CUL9: variants seen among roughly 807,000 people sequenced by gnomAD.
The protein encoded by CUL9 is cullin 9, also known as cullin-9.
In CUL9, 79 loss-of-function variants were observed where a neutral mutation model predicts 272.6. The ratio of observed to expected loss-of-function variants is 0.29; its 90% confidence interval spans 0.24 to 0.35. The LOEUF is 0.35. CUL9 is among the 10% of genes least tolerant of loss of function. The probability of loss-of-function intolerance (pLI) is 1.00; values close to 1 mark genes in which losing one functional copy is unlikely to be tolerated. For synonymous variants in CUL9, 1,186 were observed against 1,286.5 expected, an observed-to-expected ratio of 0.92 and a Z score of 1.67; for missense variants, 2,532 against 3,255.6, an observed-to-expected ratio of 0.78 and a Z score of 5.41.
At chr6:43,204,702 C>T (rs201384537) in intron 21 of CUL9, 46 bp from the exon 22 acceptor site, 88 of 1,605,854 alleles carry the variant, frequency 5.5e-5, no homozygotes, top group Admixed American at 1.8e-4. Context: ...GTGTACTCAC[C>T]CAGAGGCTGA....
intron 8 of CUL9, among the ~76,000 whole-genome samples, chr6:43,191,145 T>C (rs1773429026): frequency 6.6e-6 from 1 of 152,120 alleles, no homozygotes; most frequent in Admixed American, 6.6e-5. Flanking sequence ...TTTTGTTTTT[T>C]TTAAATTTAT....
chr6:43,203,269 G>T lies in CUL9; in HGVS notation c.3849+65G>T. 6.2e-7 allele frequency: 1 copy of T among 1,601,924 alleles called. No homozygotes were observed. ...TGGCACACAAGTTTCTCCTTGATCT[G>T]CTTGGGAGATGGCCCAGGACCTGTT... On this transcript the variant is annotated intron_variant, in intron 18 of 40. Coordinates refer to ENST00000252050, the MANE Select transcript of CUL9 (RefSeq NM_015089.4). The surrounding 1 kb of genome is among the most constrained non-coding windows in gnomAD (Gnocchi z 5.0).
chr6:43,209,799 C>T (rs1047284644), intron 26 of CUL9, among the ~76,000 whole-genome samples: 6 of 151,860 alleles, frequency 4.0e-5, no homozygotes, highest in African/African-American at 1.5e-4. Flanking sequence ...GCGTGTGCCA[C>T]CACACCTGGC....
At chr6:43,212,705 A>G (rs1043497492) in intron 26 of CUL9, 1 of 153,068 alleles carries the variant, frequency 6.5e-6, no homozygotes, top group Admixed American at 6.6e-5. Context: ...GTAAGACAGC[A>G]TCTCTCAGGC....
At position 43,221,107 on chromosome 6, in the gene CUL9, C is replaced by T. The variant is rs750297161; in HGVS notation, c.6589-51C>T. The T allele has an allele frequency of 1.0e-5, 16 of 1,592,470 alleles. No individual in the cohort carries two copies. The African/African-American group carries it at 2.1e-4, about 21-fold the overall frequency. Reference sequence around the variant, plus strand: ...TCCCCTCTCTCCTGTGCACACCAGCCATGCTGCCCTCACGGCTCAGCTGTG... The same window carrying T: ...TCCCCTCTCTCCTGTGCACACCAGCTATGCTGCCCTCACGGCTCAGCTGTG... On this transcript the variant is annotated intron_variant, in intron 33 of 40. Transcript: ENST00000252050. The surrounding 1 kb of genome is among the most constrained non-coding windows in gnomAD (Gnocchi z 4.2).
intron 16 of CUL9, 29 bp from the exon 17 acceptor site, chr6:43,202,687 C>G (rs1433763246): frequency 6.2e-7 from 1 of 1,602,194 alleles, no homozygotes; most frequent in Non-Finnish European, 8.6e-7. Flanking sequence ...AGAGGCCCAG[C>G]TTTGACTGTT....
rs747988138 is a variant in CUL9 at position 43,188,583 on chromosome 6, C to G, written c.2048C>G (p.Ala683Gly). The stretch of plus-strand genomic sequence containing the variant: ...AGCTCCCTGGATCAGCATGTGGCAG[C>G]GGTCGTGGCCACTGTGCAGATATCC... Reference protein sequence around the residue: ...PRSSLDQHVAAVVATVQISSL... With the variant: ...PRSSLDQHVAGVVATVQISSL... The change falls in exon 8 of 41, where the codon GCG becomes GGG. Residue 683 changes from alanine to glycine, a missense_variant. Around this residue, in one of 3 missense-constraint regions of CUL9, gnomAD observed 2,218 missense variants for 2,788.6 expected, o/e 0.80. Transcript: ENST00000252050. 3 of 1,613,996 alleles carry G rather than the reference C, an allele frequency of 1.9e-6. No homozygotes were observed. In the East Asian group the frequency reaches 6.7e-5, roughly 36 times the overall value.
rs762282498 is a variant in CUL9 at position 43,184,320 on chromosome 6, G to A, written c.10G>A (p.Glu4Lys). The change falls in exon 2 of 41, where the codon GAA (glutamate) becomes AAA (lysine). Residue 4 changes from glutamate to lysine, a missense_variant. By Grantham distance (56) the Glu-to-Lys change is moderately conservative. Transcript: ENST00000252050. The surrounding 1 kb of genome is among the most constrained non-coding windows in gnomAD (Gnocchi z 4.8). ...ATCCCAGGAGGTCAGGATGGTGGGGGAACGGCATGCTGGGGACCTCATGGT... is the reference window on the plus strand; with the variant it reads ...ATCCCAGGAGGTCAGGATGGTGGGGAAACGGCATGCTGGGGACCTCATGGT... MVG[E>K]RHAGDLMVPL... The A allele has an allele frequency of 6.6e-7, 1 of 1,518,190 alleles. No individual in the cohort carries two copies. The highest frequency in any genetic ancestry group is 8.9e-7 in the Non-Finnish European group (1 of 1,128,632). The allele number at this position is 1,518,190 out of a possible 1,614,324, so 94.0% of individuals were successfully genotyped here.
chr6:43,206,196 G>A lies in CUL9; in HGVS notation c.4983G>A (p.Glu1661=), dbSNP rs746938088. The A allele has an allele frequency of 5.0e-6, 8 of 1,612,574 alleles. No homozygotes were observed. The Admixed American group carries it at 1.3e-4, about 27-fold the overall frequency. ...QLQRLDKLFL[E]QEDEEEKRLE... ...AGCGGCTCGACAAGTTGTTCTTGGA[G>A]CAGGAAGATGAGGAGGAAAAGAGAC... Residue 1661 remains glutamate (E), a synonymous_variant, in exon 25 of 41, where the codon GAG becomes GAA. Coordinates refer to ENST00000252050, the MANE Select transcript of CUL9 (RefSeq NM_015089.4). This position sits in a 1 kb window ranked among gnomAD's most constrained non-coding sequence, Gnocchi z 4.8.
intron 26 of CUL9, among the ~76,000 whole-genome samples, chr6:43,210,698 A>G (rs535799575): frequency 1.3e-5 from 2 of 152,268 alleles, no homozygotes; most frequent in African/African-American, 2.4e-5. Context: ...TAAGATGTCA[A>G]TTTTAGCCTA....
At chr6:43,196,607 G>T (rs1165779585) in intron 10 of CUL9, 38 bp from the exon 11 acceptor site, 2 of 1,538,012 alleles carry the variant, frequency 1.3e-6, no homozygotes, top group Admixed American at 3.3e-5. Flanking sequence ...TGCATTCATG[G>T]TCTCTCAGTT....
At position 43,204,477 on chromosome 6, in the gene CUL9, G is replaced by C; in HGVS notation, c.4277G>C (p.Cys1426Ser). ...ASFASRVRRL[C>S]HLLVHVEPPP... is the part of the protein sequence containing the mutation. Reference sequence around the variant, plus strand: ...TTTGCTTCTCGAGTTCGTCGCCTTTGCCACTTGCTGGTGCATGTGGAACCT... The same window carrying C: ...TTTGCTTCTCGAGTTCGTCGCCTTTCCCACTTGCTGGTGCATGTGGAACCT... Residue 1426 changes from cysteine to serine, a missense_variant, in exon 21 of 41, where the codon TGC (cysteine) becomes TCC (serine). This residue lies in a region of CUL9 where 2,218 missense variants were observed against 2,788.6 expected (regional missense o/e 0.80). Coordinates refer to ENST00000252050, the MANE Select transcript of CUL9 (RefSeq NM_015089.4). 6.2e-7 allele frequency: 1 copy of C among 1,614,156 alleles called. No individual in the cohort carries two copies. Among genetic ancestry groups the C allele is most frequent in the Non-Finnish European group, 8.5e-7 (1 of 1,180,042 alleles).
In CUL9 at chr6:43,223,329, A is replaced by G. The variant is rs1301028492; in HGVS notation, c.7216A>G (p.Ser2406Gly). 1 of 1,602,348 alleles carries G rather than the reference A, an allele frequency of 6.2e-7. No homozygotes were observed. The highest frequency in any genetic ancestry group is 1.3e-5 in the African/African-American group (1 of 74,810). ...SLRLLRADCL[S>G]TGMELLRRIQ... ...GCGCCTCCTGCGGGCCGACTGCCTCAGCACGGGCATGGAGCTGCTCCGGCG... is the reference window on the plus strand; with the variant it reads ...GCGCCTCCTGCGGGCCGACTGCCTCGGCACGGGCATGGAGCTGCTCCGGCG... The change falls in exon 39 of 41, where the codon AGC (serine) becomes GGC (glycine). Residue 2406 changes from serine (S) to glycine (G), a missense_variant. This residue lies in a region of CUL9 where 237 missense variants were observed against 305.9 expected (regional missense o/e 0.77). Coordinates refer to ENST00000252050, the MANE Select transcript of CUL9 (RefSeq NM_015089.4). This position sits in a 1 kb window ranked among gnomAD's most constrained non-coding sequence, Gnocchi z 4.1.
At position 43,186,239 on chromosome 6, in the gene CUL9, C is replaced by T; in HGVS notation, c.1035C>T (p.Pro345=). 6.2e-7 allele frequency: 1 copy of T among 1,614,264 alleles called. No homozygotes were observed. The highest frequency in any genetic ancestry group is 8.5e-7 in the Non-Finnish European group (1 of 1,180,044). Reference sequence around the variant, plus strand: ...TCTTTCAGCCCTACATTTCAGGCCCCAGCCTTTTACTCCCCACCATTGTCA... The same window carrying T: ...TCTTTCAGCCCTACATTTCAGGCCCTAGCCTTTTACTCCCCACCATTGTCA... The part of the protein sequence containing the change: ...RSIFQPYISG[P]SLLLPTIVTT... Residue 345 remains proline (P), a synonymous_variant, in exon 4 of 41, where the codon CCC becomes CCT. Coordinates refer to ENST00000252050, the MANE Select transcript of CUL9 (RefSeq NM_015089.4).
In CUL9 at chr6:43,187,731, C is replaced by T; in HGVS notation, c.1600C>T (p.Leu534=). ...TTGACAGACCCTGGGTGAAAAGGCCCTAGGTGAGATCTCTGTGTCCGTGGA... is the reference window on the plus strand; with the variant it reads ...TTGACAGACCCTGGGTGAAAAGGCCTTAGGTGAGATCTCTGTGTCCGTGGA... ...NLDETLGEKA[L]GEISVSVEMA... The change falls in exon 7 of 41, where the codon CTA becomes TTA. Residue 534 remains leucine, a synonymous_variant. Transcript: ENST00000252050. 5 of 1,612,768 alleles carry T rather than the reference C, an allele frequency of 3.1e-6. No individual in the cohort carries two copies. The highest frequency in any genetic ancestry group is 4.2e-6 in the Non-Finnish European group (5 of 1,179,930).
rs1296182009 is a variant in CUL9, at chr6:43,196,723, T to G, written c.2664T>G (p.Ile888Met). 1 of 1,614,206 alleles carries G rather than the reference T, an allele frequency of 6.2e-7. No homozygotes were observed. The change falls in exon 11 of 41, where the codon ATT becomes ATG. Residue 888 changes from isoleucine to methionine, a missense_variant. By Grantham distance (10) the Ile-to-Met change is conservative. Transcript: ENST00000252050. ...ACCACCACACTCTGGGAGACCAGAT[T>G]ATAACCCAAGAGCTGAGAGACACGT... ...LCNHHTLGDQ[I>M]ITQELRDTLF...
intron 1 of CUL9, among the ~76,000 whole-genome samples, chr6:43,182,887 T>A (rs1266349253): frequency 2.6e-5 from 4 of 152,222 alleles, no homozygotes; most frequent in Admixed American, 6.5e-5. Context: ...TCCACTCCCA[T>A]TTATAATCGG....
intron 16 of CUL9, among the ~76,000 whole-genome samples, chr6:43,201,986 G>C (rs757351174): frequency 2.0e-5 from 3 of 152,208 alleles, no homozygotes; most frequent in Non-Finnish European, 2.9e-5. Context: ...GCTGGAGGTA[G>C]AAGAAGGAGG....
chr6:43,213,192 G>A lies in CUL9; in HGVS notation c.5256G>A (p.Leu1752=). The change falls in exon 27 of 41, where the codon CTG becomes CTA. Residue 1752 remains leucine (L), a synonymous_variant. Transcript: ENST00000252050. This position sits in a 1 kb window ranked among gnomAD's most constrained non-coding sequence, Gnocchi z 5.7. ...PVLDMGPHRR[L]QWTWLGRAEL... is the part of the protein sequence containing the mutation. ...TGGACATGGGACCACATCGGCGACT[G>A]CAGTGGACGTGGCTGGGCCGGGCTG... The A allele has an allele frequency of 6.2e-7, 1 of 1,614,208 alleles. No homozygotes were observed. The highest frequency in any genetic ancestry group is 1.3e-5 in the African/African-American group (1 of 75,066).
Sources: gnomAD v4.1 joint callset for allele counts (sites outside exome capture counted in the v4.1 genomes callset) on GRCh38, gnomAD v4.1.1 for gene constraint, gnomAD v4.1.1 regional missense constraint, Gnocchi (gnomAD v3.1) non-coding constraint, MANE v1.5 for transcripts, NCBI Gene and HGNC (gene_info 2026-07-23, HGNC 2026-07-21) for gene names.